Variants in PGBD5 observed in about 807,000 individuals in gnomAD.
The protein encoded by PGBD5 is piggyBac transposable element-derived protein 5.
Under a neutral mutation model 47.9 loss-of-function variants are expected in PGBD5, and 14 were observed. The observed-to-expected ratio is 0.29, with a 90% confidence interval of 0.19 to 0.46. The LOEUF (loss-of-function observed/expected upper bound fraction) is 0.46. Among genes scored for constraint, PGBD5 ranks in the 20% least tolerant of loss-of-function variants. The pLI, the probability that PGBD5 is intolerant of heterozygous loss-of-function variation, is 1.00. For missense variants in PGBD5, 635 were observed against 716.0 expected, an observed-to-expected ratio of 0.89 and a Z score of 1.29; for synonymous variants, 316 against 306.3, an observed-to-expected ratio of 1.03 and a Z score of -0.33.
rs189848441 is a variant in PGBD5 at position 230,388,694 on chromosome 1, C to T, written c.332-31373G>A. ...CCTCCCAAAGTGCTGGGATTACAGG[C>T]GTGAGCCACCGCACCCGGCCTGTTG... On this transcript the variant is annotated intron_variant, in intron 1 of 6. Transcript: ENST00000391860. 7.4e-3 allele frequency among the ~76,000 whole-genome samples: 1,122 copies of T among 152,238 alleles called. 11 individuals are homozygous for T. Among genetic ancestry groups the T allele is most frequent in the Non-Finnish European group, 0.01 (689 of 68,000 alleles).
At chr1:230,373,111 T>G (rs1169723391) in intron 1 of PGBD5, among the ~76,000 whole-genome samples, 1 of 152,238 alleles carries the variant, frequency 6.6e-6, no homozygotes, top group Admixed American at 6.5e-5. Flanking sequence ...CCGCTAGGTA[T>G]GGACAATGCC....
chr1:230,348,236 T>C (rs188474956), intron 3 of PGBD5, among the ~76,000 whole-genome samples: 1 of 152,330 alleles, frequency 6.6e-6, no homozygotes, highest in Admixed American at 6.5e-5. Flanking sequence ...ACACTGGCAG[T>C]AGAAGGGACC....
intron 1 of PGBD5, among the ~76,000 whole-genome samples, chr1:230,412,674 C>T (rs1657437327): frequency 6.6e-6 from 1 of 152,086 alleles, no homozygotes; most frequent in African/African-American, 2.4e-5. Context: ...AGGCATGAGC[C>T]ACCGCGCCCG....
intron 1 of PGBD5, among the ~76,000 whole-genome samples, chr1:230,397,511 A>G (rs901076474): frequency 6.6e-6 from 1 of 152,254 alleles, no homozygotes; most frequent in Non-Finnish European, 1.5e-5. Context: ...GAATCTTTAA[A>G]TGGCAAATTA....
rs982829095 is a variant in PGBD5, at chr1:230,323,575, G to A, written c.1425C>T (p.Phe475=). ...TGATGGCGATGCTGATGGCGAACCA[G>A]AACACCTGCTGCCAGGTCTTGTTTG... ...HKPNKTWQQV[F]WFAISIAINN... The change falls in exon 7 of 7, where the codon TTC becomes TTT. Residue 475 remains phenylalanine (F), a synonymous_variant. Transcript: ENST00000391860. This position sits in a 1 kb window ranked among gnomAD's most constrained non-coding sequence, Gnocchi z 4.1. 1 of 1,614,032 alleles carries A rather than the reference G, an allele frequency of 6.2e-7. No individual in the cohort carries two copies. The highest frequency in any genetic ancestry group is 1.3e-5 in the African/African-American group (1 of 74,924).
At chr1:230,346,927 A>C (rs894418448) in intron 3 of PGBD5, among the ~76,000 whole-genome samples, 2 of 152,168 alleles carry the variant, frequency 1.3e-5, no homozygotes, top group African/African-American at 4.8e-5. Flanking sequence ...TGGTGTGGTT[A>C]ACCAAACAGT....
intron 3 of PGBD5, among the ~76,000 whole-genome samples, chr1:230,344,003 AGGCTGGGCACAGT>A (rs1412103010): frequency 6.6e-6 from 1 of 152,246 alleles, no homozygotes; most frequent in Non-Finnish European, 1.5e-5. Flanking sequence ...GGTGGGATCC[AGGCTGGGCACAGT>A]GGCTCACACC....
chr1:230,364,064 TTCAGTCAC>T (rs1267004737), intron 1 of PGBD5, among the ~76,000 whole-genome samples: 3 of 152,238 alleles, frequency 2.0e-5, no homozygotes, highest in African/African-American at 7.2e-5. Flanking sequence ...AACTGTAGAA[TTCAGTCAC>T]TCAGTCACGA....
chr1:230,350,821 G>A, intron 3 of PGBD5, 137 bp downstream of exon 3: 17 of 1,286,060 alleles, frequency 1.3e-5, no homozygotes, highest in Non-Finnish European at 1.8e-5. Flanking sequence ...GCCTCCGCAG[G>A]AGCATCTGGG....
rs2102808014 is a variant in PGBD5 at position 230,321,779 on chromosome 1, T to A, written c.*1646A>T. 6.5e-6 allele frequency: 1 copy of A among 152,764 alleles called. No individual in the cohort carries two copies. The highest frequency in any genetic ancestry group is 1.9e-4 in the East Asian group (1 of 5,194). 9.5% of individuals were successfully genotyped at this position (152,764 alleles called of 1,614,324 possible). Reference sequence around the variant, plus strand: ...AAATAGTGGACCTTGTAGAAAAGCATCACAAATTAAAAATATATTTCTCCA... The same window carrying A: ...AAATAGTGGACCTTGTAGAAAAGCAACACAAATTAAAAATATATTTCTCCA... On this transcript the variant is annotated 3_prime_UTR_variant, in exon 7 of 7. Coordinates refer to ENST00000391860, the MANE Select transcript of PGBD5 (RefSeq NM_001258311.2).
intron 3 of PGBD5, among the ~76,000 whole-genome samples, chr1:230,337,551 T>C (rs1450373397): frequency 1.3e-5 from 2 of 152,144 alleles, no homozygotes; most frequent in East Asian, 1.9e-4. Flanking sequence ...CCATGGGTAA[T>C]GGGATGGTGC....
At chr1:230,417,693 AG>A (rs1319118140) in intron 1 of PGBD5, among the ~76,000 whole-genome samples, 2 of 152,138 alleles carry the variant, frequency 1.3e-5, no homozygotes, top group Non-Finnish European at 2.9e-5. Context: ...ACCCAGCTGG[AG>A]GAAGTGAGGC....
At chr1:230,341,185 C>T (rs1399557533) in intron 3 of PGBD5, among the ~76,000 whole-genome samples, 1 of 151,894 alleles carries the variant, frequency 6.6e-6, no homozygotes, top group African/African-American at 2.4e-5. Context: ...TAAATAAATA[C>T]AAAAAAGAGG....
At position 230,425,086 on chromosome 1, in the gene PGBD5, C is replaced by T. The variant is rs1022153490; in HGVS notation, c.331+512G>A. 6.6e-6 allele frequency among the ~76,000 whole-genome samples: 1 copy of T among 152,134 alleles called. No individual in the cohort carries two copies. The highest frequency in any genetic ancestry group is 2.1e-4 in the South Asian group (1 of 4,822). On this transcript the variant is annotated intron_variant, in intron 1 of 6. Transcript: ENST00000391860. The surrounding 1 kb of genome is among the most constrained non-coding windows in gnomAD (Gnocchi z 4.7). ...TTCTCAGATTAAGGAGAAAACTAAG[C>T]CAAGTCAAGACGCCGCGGGTGGCCT...
chr1:230,421,468 C>G (rs972494217), intron 1 of PGBD5, among the ~76,000 whole-genome samples: 1 of 152,148 alleles, frequency 6.6e-6, no homozygotes, highest in African/African-American at 2.4e-5. Flanking sequence ...TCATCACCCC[C>G]GGGAAAGTGA....
At chr1:230,368,411 T>C (rs1031876229) in intron 1 of PGBD5, among the ~76,000 whole-genome samples, 1 of 152,236 alleles carries the variant, frequency 6.6e-6, no homozygotes, top group African/African-American at 2.4e-5. Flanking sequence ...TGGGATTCTG[T>C]CATTTATGGT....
intron 1 of PGBD5, among the ~76,000 whole-genome samples, chr1:230,396,232 CCCCACA>C (rs1656960779): frequency 1.1e-4 from 1 of 8,972 alleles, no homozygotes; most frequent in Non-Finnish European, 1.9e-4. Flanking sequence ...TCCTTTTTAC[CCCCACA>C]CTCCTCCCTT....
intron 1 of PGBD5, among the ~76,000 whole-genome samples, chr1:230,416,196 A>G (rs1451011668): frequency 6.6e-6 from 1 of 152,156 alleles, no homozygotes; most frequent in Non-Finnish European, 1.5e-5. Flanking sequence ...GTAGCCATCA[A>G]GTTTGGTCTT....
chr1:230,425,557 C>G lies in PGBD5; in HGVS notation c.331+41G>C. 8.3e-7 allele frequency: 1 copy of G among 1,210,730 alleles called. No homozygotes were observed. Among genetic ancestry groups the G allele is most frequent in the Non-Finnish European group, 1.0e-6 (1 of 973,334 alleles). The allele number at this position is 1,210,730 out of a possible 1,614,324, so 75.0% of individuals were successfully genotyped here. A position where few individuals can be genotyped will look rare whatever the true frequency, so the allele number is the denominator to read the frequency against. ...ACCCACGCCTCCCCCGCGCCCGGTT[C>G]CAGCGCCGCCCCCGACATCCACCCG... is the stretch of plus-strand genomic sequence containing the variant. On this transcript the variant is annotated intron_variant, in intron 1 of 6. Transcript: ENST00000391860. The surrounding 1 kb of genome is among the most constrained non-coding windows in gnomAD (Gnocchi z 4.7).
Sources: allele counts gnomAD v4.1 joint callset (sites outside exome capture counted in the v4.1 genomes callset), GRCh38; gene constraint gnomAD v4.1.1; non-coding constraint Gnocchi (gnomAD v3.1); transcripts MANE v1.5; gene names NCBI Gene and HGNC (gene_info 2026-07-23, HGNC 2026-07-21).